Variants in FBXO34 observed in about 807,000 individuals in gnomAD.
FBXO34 encodes the protein F-box protein 34, also known as F-box only protein 34.
A neutral mutation model predicts 24.5 loss-of-function variants in FBXO34; 12 were observed. That is an observed-to-expected ratio of 0.49 (90% CI 0.31 to 0.79). The LOEUF (loss-of-function observed/expected upper bound fraction) is 0.79, where lower values mean the gene tolerates loss of function less well. Among genes scored for constraint, FBXO34 ranks in the 30% least tolerant of loss-of-function variants. The pLI, the probability that FBXO34 is intolerant of heterozygous loss-of-function variation, is 0.04. For synonymous variants in FBXO34, 320 were observed against 311.9 expected, an observed-to-expected ratio of 1.03 and a Z score of -0.27; for missense variants, 823 against 857.7, an observed-to-expected ratio of 0.96 and a Z score of 0.51.
At chr14:55,333,188 C>G (rs1356332417) in intron 1 of FBXO34, among the ~76,000 whole-genome samples, 1 of 152,132 alleles carries the variant, frequency 6.6e-6, no homozygotes, top group Non-Finnish European at 1.5e-5. Flanking sequence ...GATTACTGTT[C>G]TTTATTTGTA....
intron 1 of FBXO34, among the ~76,000 whole-genome samples, chr14:55,275,559 G>A (rs1974072): frequency 1 from 151,980 of 151,986 alleles, 75,987 homozygotes; most frequent in Middle Eastern, 1. Flanking sequence ...TCATGCCTGT[G>A]ATCCCAGCAC....
intron 1 of FBXO34, among the ~76,000 whole-genome samples, chr14:55,284,743 G>C (rs1485412441): frequency 6.7e-6 from 1 of 148,478 alleles, no homozygotes; most frequent in African/African-American, 2.4e-5. Flanking sequence ...ATCCTCCTGA[G>C]TAGATGGGAC....
the FBXO34 span, among the ~76,000 whole-genome samples, chr14:55,409,283 CTG>C: frequency 6.6e-6 from 1 of 152,102 alleles, no homozygotes; most frequent in Non-Finnish European, 1.5e-5. Flanking sequence ...GGTCTAGAAA[CTG>C]AGTTTGGGAA....
chr14:55,349,693 T>C (rs28612464), intron 1 of FBXO34, among the ~76,000 whole-genome samples: 57,110 of 149,312 alleles, frequency 0.38, 11,283 homozygotes, highest in Non-Finnish European at 0.42. Flanking sequence ...CTGCAGCCTC[T>C]GCCCCTAGGT....
intron 1 of FBXO34, among the ~76,000 whole-genome samples, chr14:55,313,976 TA>T (rs1167460641): frequency 6.6e-6 from 1 of 152,156 alleles, no homozygotes; most frequent in Non-Finnish European, 1.5e-5. Context: ...GATCACAACT[TA>T]CTGCAGCCTC....
At chr14:55,344,109 G>A (rs34473419) in intron 1 of FBXO34, among the ~76,000 whole-genome samples, 2,241 of 152,222 alleles carry the variant, frequency 0.015, 28 homozygotes, top group Non-Finnish European at 0.024. Context: ...AAGCTGACAG[G>A]TATGTTGAGA....
chr14:55,362,434 G>A (rs1342657172), downstream of FBXO34, among the ~76,000 whole-genome samples: 4 of 152,138 alleles, frequency 2.6e-5, no homozygotes, highest in Non-Finnish European at 4.4e-5. Flanking sequence ...GAAAAATGGC[G>A]CTGATGACTT....
chr14:55,332,564 C>G (rs1461521092), intron 1 of FBXO34, among the ~76,000 whole-genome samples: 1 of 152,114 alleles, frequency 6.6e-6, no homozygotes, highest in Non-Finnish European at 1.5e-5. Context: ...TTGTCTTTTA[C>G]TTTGCTTTCT....
rs1203066600 is a variant in FBXO34, at chr14:55,353,595, A to G, written c.*1069A>G. ...AATTTTTTAAAACTTAAATAAAAAC[A>G]TGCATCTTAAATGGAACCCAAGTTT... On this transcript the variant is annotated 3_prime_UTR_variant, in exon 2 of 2. Coordinates refer to ENST00000313833, the MANE Select transcript of FBXO34 (RefSeq NM_017943.4). 1 of 167,134 alleles carries G rather than the reference A, an allele frequency of 6.0e-6. No individual in the cohort carries two copies. The highest frequency in any genetic ancestry group is 1.9e-4 in the East Asian group (1 of 5,210). The allele number at this position is 167,134 out of a possible 1,614,324, so 10.4% of individuals were successfully genotyped here. A position where few individuals can be genotyped will look rare whatever the true frequency, so the allele number is the denominator to read the frequency against.
the FBXO34 span, among the ~76,000 whole-genome samples, chr14:55,435,680 G>A: frequency 6.6e-6 from 1 of 152,124 alleles, no homozygotes; most frequent in East Asian, 1.9e-4. Context: ...TAAAGAATGA[G>A]ATTATTTTTT....
downstream of FBXO34, among the ~76,000 whole-genome samples, chr14:55,354,262 C>G (rs1448404197): frequency 6.6e-6 from 1 of 152,228 alleles, no homozygotes; most frequent in Non-Finnish European, 1.5e-5. Flanking sequence ...TAGCTGTCCC[C>G]TTGGTTGAGG....
chr14:55,389,665 AC>A, the FBXO34 span, among the ~76,000 whole-genome samples: 1 of 152,272 alleles, frequency 6.6e-6, no homozygotes, highest in Non-Finnish European at 1.5e-5. Context: ...ATTTAATGTT[AC>A]ATAAACATGC....
the FBXO34 span, chr14:55,435,779 A>G: frequency 8.5e-7 from 1 of 1,179,710 alleles, no homozygotes; most frequent in South Asian, 1.4e-5. Context: ...AGTCAATATC[A>G]TGATCATATT....
chr14:55,311,338 G>A (rs771479543), intron 1 of FBXO34, among the ~76,000 whole-genome samples: 1 of 152,186 alleles, frequency 6.6e-6, no homozygotes, highest in Non-Finnish European at 1.5e-5. Context: ...GACATGTGGG[G>A]ATTATGGGGA....
At chr14:55,315,957 T>C (rs1354641853) in intron 1 of FBXO34, among the ~76,000 whole-genome samples, 1 of 152,150 alleles carries the variant, frequency 6.6e-6, no homozygotes, top group Non-Finnish European at 1.5e-5. Flanking sequence ...TCTTGAACCT[T>C]GTTATTCAAA....
the FBXO34 span, chr14:55,428,980 G>C: frequency 5.6e-6 from 9 of 1,613,772 alleles, no homozygotes; most frequent in Non-Finnish European, 7.6e-6. Context: ...CTTCACTGGG[G>C]AGGGGCAAAT....
chr14:55,389,787 T>G, the FBXO34 span, among the ~76,000 whole-genome samples: 1 of 152,226 alleles, frequency 6.6e-6, no homozygotes, highest in Non-Finnish European at 1.5e-5. Context: ...AATAGAAATG[T>G]ATATGATGTT....
chr14:55,418,734 G>A, the FBXO34 span, among the ~76,000 whole-genome samples: 3 of 152,202 alleles, frequency 2.0e-5, no homozygotes, highest in African/African-American at 4.8e-5. Flanking sequence ...ATAAATAAGC[G>A]TTTTCCTGAA....
rs867212064 is a variant in FBXO34 at position 55,277,579 on chromosome 14, G to A, written c.-11+6042G>A. Among the ~76,000 whole-genome samples the A allele has an allele frequency of 2.6e-5, 4 of 152,216 alleles. No homozygotes were observed. The East Asian group carries it at 7.7e-4, about 29-fold the overall frequency. On this transcript the variant is annotated intron_variant, in intron 1 of 1. Coordinates refer to ENST00000313833, the MANE Select transcript of FBXO34 (RefSeq NM_017943.4). ...AAAGGCCCAATTATAGTGTACTGCA[G>A]CCTTGAACTTTTGGGCTCAAGTGAT...
Sources: allele counts gnomAD v4.1 joint callset (sites outside exome capture counted in the v4.1 genomes callset), GRCh38; gene constraint gnomAD v4.1.1; transcripts MANE v1.5; gene names NCBI Gene and HGNC (gene_info 2026-07-23, HGNC 2026-07-21).